The following NEDD4L variants were observed in gnomAD, a reference collection of about 807,000 sequenced individuals.
The protein encoded by NEDD4L is NEDD4 like E3 ubiquitin protein ligase.
In NEDD4L, 54 loss-of-function variants were observed where a neutral mutation model predicts 148.9. The observed-to-expected ratio is 0.36, with a 90% confidence interval of 0.29 to 0.45. NEDD4L has a LOEUF of 0.45. Ranked by LOEUF, NEDD4L falls within the 20% of genes least tolerant of loss-of-function variation. The pLI is 1.00. For synonymous variants in NEDD4L, 433 were observed against 440.7 expected, an observed-to-expected ratio of 0.98 and a Z score of 0.22; for missense variants, 856 against 1,233.8, an observed-to-expected ratio of 0.69 and a Z score of 4.59.
chr18:58,301,046 A>T (rs1180627280), intron 5 of NEDD4L, among the ~76,000 whole-genome samples: 1 of 152,190 alleles, frequency 6.6e-6, no homozygotes, highest in Non-Finnish European at 1.5e-5. Context: ...GCACAGAAAT[A>T]CAGCACAGAA....
In NEDD4L at chr18:58,365,982, T is replaced by C; in HGVS notation, c.1834-17T>C. On this transcript the variant is annotated splice_polypyrimidine_tract_variant and intron_variant, in intron 20 of 30. Coordinates refer to ENST00000400345, the MANE Select transcript of NEDD4L (RefSeq NM_001144967.3). ...ATTTACTGTATGATTATGTGTTTTC[T>C]TTTGTCTTTTGTGTAGGCTGATATC... The C allele has an allele frequency of 6.4e-7, 1 of 1,554,486 alleles. No homozygotes were observed. Among genetic ancestry groups the C allele is most frequent in the East Asian group, 2.3e-5 (1 of 44,376 alleles).
chr18:58,067,573 C>A (rs1213984966), intron 1 of NEDD4L, among the ~76,000 whole-genome samples: 1 of 152,110 alleles, frequency 6.6e-6, no homozygotes, highest in Non-Finnish European at 1.5e-5. Context: ...TCTGCAGTTC[C>A]CATGGAATTG....
intron 2 of NEDD4L, among the ~76,000 whole-genome samples, chr18:58,245,039 A>G (rs1374180497): frequency 6.6e-6 from 1 of 152,196 alleles, no homozygotes; most frequent in Non-Finnish European, 1.5e-5. Context: ...GTTGGGTCAC[A>G]TGAACAATGG....
Position 58,367,828 on chromosome 18 carries a change from G to A in NEDD4L, c.2146G>A (p.Val716Ile), listed in dbSNP as rs1354543402. The A allele has an allele frequency of 1.2e-6, 2 of 1,613,956 alleles. No homozygotes were observed. Among genetic ancestry groups the A allele is most frequent in the Non-Finnish European group, 1.7e-6 (2 of 1,179,848 alleles). ...HLSYFTFIGR[V>I]AGLAVFHGKL... ...GTCCTACTTCACTTTTATTGGAAGA[G>A]TTGCTGGTCTGGCCGTATTTCATGG... Residue 716 changes from valine to isoleucine, a missense_variant, in exon 22 of 31, where the codon GTT becomes ATT. Val to Ile is a conservative substitution (Grantham distance 29). This residue lies in a region of NEDD4L where 286 missense variants were observed against 531.8 expected (regional missense o/e 0.54). Transcript: ENST00000400345.
At chr18:58,260,945 C>T (rs1401681259) in intron 5 of NEDD4L, among the ~76,000 whole-genome samples, 2 of 152,048 alleles carry the variant, frequency 1.3e-5, no homozygotes, top group African/African-American at 2.4e-5. Flanking sequence ...ATGTCCAGCT[C>T]GTAGGTTCAT....
At chr18:58,394,737 TG>T (rs2050264091) in intron 30 of NEDD4L, among the ~76,000 whole-genome samples, 1 of 152,240 alleles carries the variant, frequency 6.6e-6, no homozygotes, top group Admixed American at 6.5e-5. Flanking sequence ...CAATATTTAG[TG>T]GTTGTTAAAC....
At chr18:58,240,051 A>C (rs1434643121) in intron 2 of NEDD4L, among the ~76,000 whole-genome samples, 1 of 152,122 alleles carries the variant, frequency 6.6e-6, no homozygotes, top group Admixed American at 6.5e-5. Context: ...TTTCCTGCTG[A>C]GTATCTTGGC....
At chr18:58,374,564 C>G (rs966818292) in intron 24 of NEDD4L, among the ~76,000 whole-genome samples, 17 of 151,940 alleles carry the variant, frequency 1.1e-4, no homozygotes, top group Non-Finnish European at 2.5e-4. Context: ...TGTGATGGGG[C>G]AGGGAGGGGT....
At chr18:58,248,626 A>G (rs1182308185) in intron 3 of NEDD4L, among the ~76,000 whole-genome samples, 1 of 152,140 alleles carries the variant, frequency 6.6e-6, no homozygotes, top group Non-Finnish European at 1.5e-5. Flanking sequence ...GAAATTTTTT[A>G]TATTTTCACG....
At chr18:58,238,095 G>T (rs1269899593) in intron 2 of NEDD4L, among the ~76,000 whole-genome samples, 1 of 152,204 alleles carries the variant, frequency 6.6e-6, no homozygotes, top group Admixed American at 6.5e-5. Context: ...GCATTTGACT[G>T]TAATCTAACC....
intron 2 of NEDD4L, among the ~76,000 whole-genome samples, chr18:58,192,921 T>C (rs748227266): frequency 6.6e-6 from 1 of 152,236 alleles, no homozygotes; most frequent in Non-Finnish European, 1.5e-5. Context: ...GCCTGCTTTC[T>C]TCACTTCTGA....
chr18:58,189,129 A>G (rs1233425920), intron 2 of NEDD4L, among the ~76,000 whole-genome samples: 5 of 152,122 alleles, frequency 3.3e-5, no homozygotes, highest in African/African-American at 9.7e-5. Context: ...CTCTAAAGAA[A>G]CCATTCTGCT....
At chr18:58,084,310 G>C (rs978569515) in intron 1 of NEDD4L, among the ~76,000 whole-genome samples, 1 of 152,168 alleles carries the variant, frequency 6.6e-6, no homozygotes, top group African/African-American at 2.4e-5. Flanking sequence ...CTCAAGTGAT[G>C]AAATATTCTT....
At chr18:58,129,168 C>T (rs1260081520) in intron 1 of NEDD4L, among the ~76,000 whole-genome samples, 5 of 152,242 alleles carry the variant, frequency 3.3e-5, no homozygotes, top group Admixed American at 3.3e-4. Context: ...AGTTGCCCAG[C>T]CAGTTGCCCG....
At chr18:58,205,653 G>A (rs558768039) in intron 2 of NEDD4L, among the ~76,000 whole-genome samples, 33 of 151,848 alleles carry the variant, frequency 2.2e-4, no homozygotes, top group African/African-American at 7.7e-4. Context: ...GAAATTTCAG[G>A]GCTATTCATT....
intron 2 of NEDD4L, among the ~76,000 whole-genome samples, chr18:58,194,334 A>G (rs991000178): frequency 3.3e-5 from 5 of 152,168 alleles, no homozygotes; most frequent in African/African-American, 7.2e-5. Context: ...CATTCACTTG[A>G]TAAGTGTTGG....
rs563584136 is a variant in NEDD4L, at chr18:58,068,143, A to G, written c.48+23435A>G. Among the ~76,000 whole-genome samples, 130 of 149,684 alleles carry G rather than the reference A, an allele frequency of 8.7e-4. 1 individual carries two copies. Among genetic ancestry groups the G allele is most frequent in the Admixed American group, 6.1e-3 (91 of 15,022 alleles). The stretch of plus-strand genomic sequence containing the variant: ...CCCAGTGAATTTTTTTTTCTTAAAG[A>G]TGAGGTATTGCTATGTTGCCCAGAC... On this transcript the variant is annotated intron_variant, in intron 1 of 30. Transcript: ENST00000400345.
intron 19 of NEDD4L, 140 bp downstream of exon 19, chr18:58,357,392 A>G (rs999183037): frequency 2.2e-5 from 18 of 819,928 alleles, no homozygotes; most frequent in Non-Finnish European, 3.4e-5. Flanking sequence ...CTTTGCTGCC[A>G]TCTCCTTACT....
intron 1 of NEDD4L, among the ~76,000 whole-genome samples, chr18:58,090,099 A>G (rs886729245): frequency 6.6e-5 from 10 of 152,108 alleles, no homozygotes; most frequent in Non-Finnish European, 1.0e-4. Context: ...CGTCCTCCCA[A>G]AGTGCTGGGA....
Sources: gnomAD v4.1 joint callset for allele counts (sites outside exome capture counted in the v4.1 genomes callset) on GRCh38, gnomAD v4.1.1 for gene constraint, gnomAD v4.1.1 regional missense constraint, MANE v1.5 for transcripts, NCBI Gene and HGNC (gene_info 2026-07-23, HGNC 2026-07-21) for gene names.